RTTN: variants seen among roughly 807,000 people sequenced by gnomAD.
RTTN encodes rotatin.
RTTN carries 182 observed loss-of-function variants against 269.2 expected under a neutral mutation model. That is an observed-to-expected ratio of 0.68 (90% CI 0.60 to 0.76). The LOEUF (loss-of-function observed/expected upper bound fraction) is 0.76. RTTN is among the 30% of genes least tolerant of loss of function. The pLI, the probability that RTTN is intolerant of heterozygous loss-of-function variation, is 0.00. For missense variants in RTTN, 2,545 were observed against 2,608.6 expected (o/e 0.98, Z 0.53); for synonymous variants, 1,006 against 963.5 (o/e 1.04, Z -0.82).
At chr18:70,039,243 G>C (rs1019976034) in intron 40 of RTTN, among the ~76,000 whole-genome samples, 2 of 151,926 alleles carry the variant, frequency 1.3e-5, no homozygotes, top group African/African-American at 4.8e-5. Flanking sequence ...TTAACCCAAA[G>C]AAGACATTTA....
chr18:70,017,302 G>A (rs1168962960), intron 46 of RTTN, 105 bp downstream of exon 46: 34 of 1,103,216 alleles, frequency 3.1e-5, no homozygotes, highest in Non-Finnish European at 4.0e-5. Context: ...AACACAGTGG[G>A]TGCTTAATAA....
chr18:70,163,946 A>C (rs2060916274), intron 14 of RTTN, among the ~76,000 whole-genome samples: 1 of 152,206 alleles, frequency 6.6e-6, no homozygotes, highest in African/African-American at 2.4e-5. Context: ...ACATTATATT[A>C]AGTGAAATAA....
intron 10 of RTTN, 122 bp from the exon 11 acceptor site, chr18:70,176,967 A>C: frequency 1.5e-6 from 1 of 687,990 alleles, no homozygotes; most frequent in Non-Finnish European, 2.2e-6. Context: ...ACAAATCAAA[A>C]CAGAATTTAT....
Position 70,054,141 on chromosome 18 carries a change from T to A in RTTN, c.5175A>T (p.Lys1725Asn). The A allele has an allele frequency of 6.2e-7, 1 of 1,612,624 alleles. No individual in the cohort carries two copies. Among genetic ancestry groups the A allele is most frequent in the Non-Finnish European group, 8.5e-7 (1 of 1,178,834 alleles). Residue 1725 changes from lysine to asparagine, a missense_variant, in exon 38 of 49, where the codon AAA becomes AAT. Lys to Asn is a moderately conservative substitution (Grantham distance 94). Coordinates refer to ENST00000640769, the MANE Select transcript of RTTN (RefSeq NM_173630.4). ...AACAATTAAGCTTACCTAATACATC[T>A]TTGGTACATATGGTGAGAATTCCAA... ...NIIGILTICT[K>N]DVLDKELISA...
chr18:70,109,412 A>C, intron 28 of RTTN, 86 bp downstream of exon 28: 1 of 913,620 alleles, frequency 1.1e-6, no homozygotes, highest in Non-Finnish European at 1.8e-6. Context: ...TCTACATTGA[A>C]TAGAGTAACG....
chr18:70,124,662 A>T (rs1195475200), intron 25 of RTTN, among the ~76,000 whole-genome samples: 1 of 152,090 alleles, frequency 6.6e-6, no homozygotes, highest in Non-Finnish European at 1.5e-5. Context: ...GTAGCTGAAA[A>T]GGTAAGCAAG....
At chr18:70,033,183 T>A (rs2057069357) in intron 40 of RTTN, among the ~76,000 whole-genome samples, 1 of 152,226 alleles carries the variant, frequency 6.6e-6, no homozygotes, top group South Asian at 2.1e-4. Context: ...CCATGTGAGA[T>A]GCCTCGCTCC....
At chr18:70,087,947 C>A (rs2058744050) in intron 31 of RTTN, 42 bp downstream of exon 31, 1 of 1,598,240 alleles carries the variant, frequency 6.3e-7, no homozygotes, top group African/African-American at 1.3e-5. Context: ...GATACCATCA[C>A]AAAGAATTTC....
intron 10 of RTTN, among the ~76,000 whole-genome samples, chr18:70,187,127 C>T (rs1448698453): frequency 5.9e-5 from 9 of 152,078 alleles, no homozygotes; most frequent in Non-Finnish European, 1.3e-4. Flanking sequence ...TTTATATTAA[C>T]AATAATATCC....
intron 10 of RTTN, among the ~76,000 whole-genome samples, chr18:70,182,377 A>G (rs1432983487): frequency 2.0e-5 from 3 of 152,154 alleles, no homozygotes; most frequent in Non-Finnish European, 4.4e-5. Context: ...TTAAATATAG[A>G]CCGACTTACA....
At chr18:70,025,942 C>G (rs2056840865) in intron 43 of RTTN, among the ~76,000 whole-genome samples, 3 of 152,194 alleles carry the variant, frequency 2.0e-5, no homozygotes, top group Admixed American at 1.3e-4. Context: ...TCTTAAACAA[C>G]TCGTCCCCAA....
chr18:70,149,488 A>G (rs1369415901), intron 16 of RTTN, among the ~76,000 whole-genome samples: 1 of 150,838 alleles, frequency 6.6e-6, no homozygotes, highest in Non-Finnish European at 1.5e-5. Flanking sequence ...CCACCTTTTC[A>G]TCCAAAAGAG....
chr18:70,042,663 C>T (rs1357005728), intron 40 of RTTN, among the ~76,000 whole-genome samples: 2 of 152,106 alleles, frequency 1.3e-5, no homozygotes, highest in Non-Finnish European at 2.9e-5. Context: ...GGCATGAGCA[C>T]CGCGCCCAGC....
intron 39 of RTTN, among the ~76,000 whole-genome samples, chr18:70,048,697 A>G (rs898531324): frequency 2.0e-5 from 3 of 152,200 alleles, no homozygotes; most frequent in African/African-American, 7.2e-5. Flanking sequence ...GTTACATAAG[A>G]AAAATAAAGT....
intron 28 of RTTN, among the ~76,000 whole-genome samples, chr18:70,107,892 G>C (rs1373967679): frequency 6.6e-6 from 1 of 152,168 alleles, no homozygotes; most frequent in Non-Finnish European, 1.5e-5. Context: ...TTAAAAATTA[G>C]ATAAAAAGTT....
At chr18:70,066,669 T>C (rs17082053) in intron 34 of RTTN, among the ~76,000 whole-genome samples, 5,481 of 152,248 alleles carry the variant, frequency 0.036, 345 homozygotes, top group African/African-American at 0.13. Context: ...CATACCTGGG[T>C]AGCCTCCATA....
intron 37 of RTTN, among the ~76,000 whole-genome samples, chr18:70,054,766 C>T (rs1166733037): frequency 6.6e-6 from 1 of 152,030 alleles, no homozygotes; most frequent in Non-Finnish European, 1.5e-5. Flanking sequence ...CTATAGTGAG[C>T]TGTGATCACA....
chr18:70,069,408 A>C (rs1204857429), intron 34 of RTTN, among the ~76,000 whole-genome samples: 1 of 152,212 alleles, frequency 6.6e-6, no homozygotes, highest in Non-Finnish European at 1.5e-5. Context: ...ACTGAAAAAA[A>C]TTGTTCTTCA....
chr18:70,109,482 T>A lies in RTTN; in HGVS notation c.3903+16A>T. 1 of 1,595,748 alleles carries A rather than the reference T, an allele frequency of 6.3e-7. No homozygotes were observed. The highest frequency in any genetic ancestry group is 8.6e-7 in the Non-Finnish European group (1 of 1,163,280). ...CAACTAATAGTAAATAACTACCATA[T>A]GCTATTTTTACTTACCTCAAGGAGA... is the stretch of plus-strand genomic sequence containing the variant. On this transcript the variant is annotated intron_variant, in intron 28 of 48. Transcript: ENST00000640769.
Sources: gnomAD v4.1 joint callset for allele counts (sites outside exome capture counted in the v4.1 genomes callset) on GRCh38, gnomAD v4.1.1 for gene constraint, MANE v1.5 for transcripts, NCBI Gene and HGNC (gene_info 2026-07-23, HGNC 2026-07-21) for gene names.